Variants in GRM8 observed in about 807,000 individuals in gnomAD.
GRM8 encodes the protein glutamate metabotropic receptor 8.
Under a neutral mutation model 87.2 loss-of-function variants are expected in GRM8, and 47 were observed. That is an observed-to-expected ratio of 0.54 (90% confidence interval 0.43 to 0.69). The LOEUF (loss-of-function observed/expected upper bound fraction) is 0.69, where lower values mean the gene tolerates loss of function less well. Among genes scored for constraint, GRM8 ranks in the 30% least tolerant of loss-of-function variants. The pLI is 0.00. For synonymous variants in GRM8, 396 were observed against 404.5 expected (o/e 0.98, Z 0.25); for missense variants, 1,019 against 1,139.2 (o/e 0.89, Z 1.52).
chr7:126,447,698 T>C (rs1007020485), intron 9 of GRM8, among the ~76,000 whole-genome samples: 2 of 151,890 alleles, frequency 1.3e-5, no homozygotes, highest in South Asian at 4.1e-4. Flanking sequence ...GAGGAGAAGG[T>C]TTCTCTTAAC....
At chr7:127,151,623 T>C (rs1828864190) in intron 2 of GRM8, among the ~76,000 whole-genome samples, 1 of 152,042 alleles carries the variant, frequency 6.6e-6, no homozygotes, top group Non-Finnish European at 1.5e-5. Context: ...CCTCACAGAG[T>C]TCTTGAGCCC....
chr7:126,992,514 A>G (rs1474457526), intron 3 of GRM8, among the ~76,000 whole-genome samples: 1 of 152,206 alleles, frequency 6.6e-6, no homozygotes, highest in African/African-American at 2.4e-5. Context: ...AGCATCAAAA[A>G]TCATGTAAAA....
chr7:126,711,442 T>A (rs1368281292), intron 7 of GRM8, among the ~76,000 whole-genome samples: 1 of 152,166 alleles, frequency 6.6e-6, no homozygotes, highest in African/African-American at 2.4e-5. Flanking sequence ...AAATATGATA[T>A]CAACTAGGCA....
At chr7:127,220,624 A>G (rs1033630651) in intron 2 of GRM8, among the ~76,000 whole-genome samples, 2 of 152,068 alleles carry the variant, frequency 1.3e-5, no homozygotes, top group Non-Finnish European at 2.9e-5. Flanking sequence ...AGCTGGGACT[A>G]TAGGTGCATG....
chr7:126,816,143 G>A (rs1793768246), intron 6 of GRM8, among the ~76,000 whole-genome samples: 1 of 151,866 alleles, frequency 6.6e-6, no homozygotes, highest in Non-Finnish European at 1.5e-5. Context: ...CTCAACTCAG[G>A]GCCAAAAGAA....
intron 7 of GRM8, among the ~76,000 whole-genome samples, chr7:126,656,754 G>A (rs1046887398): frequency 6.6e-6 from 1 of 152,090 alleles, no homozygotes; most frequent in African/African-American, 2.4e-5. Context: ...TGGACAGAGA[G>A]GGGTTATTTC....
At chr7:126,560,123 C>T (rs1375271093) in intron 8 of GRM8, among the ~76,000 whole-genome samples, 1 of 152,134 alleles carries the variant, frequency 6.6e-6, no homozygotes, top group Admixed American at 6.5e-5. Context: ...AAAGGCATGA[C>T]CGATTTTCTA....
At chr7:126,516,401 T>G (rs1028441420) in intron 9 of GRM8, among the ~76,000 whole-genome samples, 6 of 152,104 alleles carry the variant, frequency 3.9e-5, no homozygotes, top group Non-Finnish European at 7.4e-5. Context: ...TGTTAAGACC[T>G]CTTATGGAGA....
At chr7:126,475,608 G>GA (rs1805807631) in intron 9 of GRM8, among the ~76,000 whole-genome samples, 2 of 151,930 alleles carry the variant, frequency 1.3e-5, no homozygotes, top group Non-Finnish European at 1.5e-5. Context: ...ATAGAAATAG[G>GA]AAAAAATAAT....
At chr7:127,084,161 G>A (rs995433234) in intron 3 of GRM8, 2 of 152,076 alleles carry the variant, frequency 1.3e-5, no homozygotes, top group African/African-American at 4.8e-5. Flanking sequence ...ACTTTTCCTT[G>A]GGAAGAGTTT....
chr7:126,942,949 T>C (rs779527199), intron 3 of GRM8, among the ~76,000 whole-genome samples: 15 of 151,986 alleles, frequency 9.9e-5, no homozygotes, highest in African/African-American at 2.9e-4. Flanking sequence ...CAATACTGAG[T>C]TGAAATTCAG....
At chr7:126,735,550 C>T (rs193135723) in intron 7 of GRM8, among the ~76,000 whole-genome samples, 10 of 152,178 alleles carry the variant, frequency 6.6e-5, no homozygotes, top group African/African-American at 2.2e-4. Context: ...GCAGGGATTA[C>T]ATGCCTAAGA....
At chr7:127,174,913 G>C (rs1478969805) in intron 2 of GRM8, among the ~76,000 whole-genome samples, 2 of 152,150 alleles carry the variant, frequency 1.3e-5, no homozygotes, top group African/African-American at 4.8e-5. Context: ...CCTTAAGGTA[G>C]TCACTTATGG....
chr7:126,805,279 C>T (rs914504210), intron 6 of GRM8, among the ~76,000 whole-genome samples: 1 of 152,168 alleles, frequency 6.6e-6, no homozygotes, highest in African/African-American at 2.4e-5. Flanking sequence ...AGATGCCCCA[C>T]CTCTGGTTAG....
intron 3 of GRM8, among the ~76,000 whole-genome samples, chr7:127,092,337 G>T (rs1824214458): frequency 6.6e-6 from 1 of 152,068 alleles, no homozygotes; most frequent in Admixed American, 6.5e-5. Flanking sequence ...AATCTAACTT[G>T]GGTGGGAAGA....
At position 127,019,573 on chromosome 7, in the gene GRM8, T is replaced by C. The variant is rs545949342; in HGVS notation, c.727+86923A>G. Among the ~76,000 whole-genome samples the C allele has an allele frequency of 5.3e-5, 8 of 152,236 alleles. No homozygotes were observed. In the South Asian group the frequency reaches 1.7e-3, roughly 32 times the overall value. The stretch of plus-strand genomic sequence containing the variant: ...CCTAATTATACACACTGATTTGTCA[T>C]GACACTGCCATTTTGCAGGATATGT... On this transcript the variant is annotated intron_variant, in intron 3 of 10. Transcript: ENST00000339582.
chr7:126,609,981 C>T (rs1350487431), intron 7 of GRM8, among the ~76,000 whole-genome samples: 1 of 152,136 alleles, frequency 6.6e-6, no homozygotes, highest in Admixed American at 6.5e-5. Context: ...CGTTCCTGTG[C>T]CTCTGCTACC....
intron 8 of GRM8, among the ~76,000 whole-genome samples, chr7:126,599,926 G>C (rs921264736): frequency 3.9e-5 from 6 of 152,072 alleles, no homozygotes; most frequent in African/African-American, 1.4e-4. Context: ...TGGCAAACTG[G>C]AGGTGCTGTT....
chr7:126,780,989 A>G (rs1820011823), intron 6 of GRM8, among the ~76,000 whole-genome samples: 1 of 152,176 alleles, frequency 6.6e-6, no homozygotes. Flanking sequence ...TGATTGCACT[A>G]GAGACAAAAC....
Sources: allele counts gnomAD v4.1 joint callset (sites outside exome capture counted in the v4.1 genomes callset), GRCh38; gene constraint gnomAD v4.1.1; transcripts MANE v1.5; gene names NCBI Gene and HGNC (gene_info 2026-07-23, HGNC 2026-07-21).